The following CDYL variants were observed in gnomAD, a reference collection of about 807,000 sequenced individuals.
The protein encoded by CDYL is chromodomain Y-like protein.
CDYL carries 8 observed loss-of-function variants against 47.3 expected under a neutral mutation model. The observed-to-expected ratio is 0.17, with a 90% CI of 0.10 to 0.31. The LOEUF is 0.31. Among genes scored for constraint, CDYL ranks in the 10% least tolerant of loss-of-function variants. The probability of loss-of-function intolerance (pLI) is 1.00; values close to 1 mark genes in which losing one functional copy is unlikely to be tolerated. For missense variants in CDYL, 471 were observed against 701.4 expected, an observed-to-expected ratio of 0.67 and a Z score of 3.71; for synonymous variants, 266 against 265.0, an observed-to-expected ratio of 1.00 and a Z score of -0.04.
chr6:4,741,481 A>G (rs941082890), intron 3 of CDYL, among the ~76,000 whole-genome samples: 46 of 152,200 alleles, frequency 3.0e-4, no homozygotes, highest in Admixed American at 8.5e-4. Flanking sequence ...TGACATCATC[A>G]TGCTCCATTG....
chr6:4,927,101 C>T (rs1308747581), intron 2 of CDYL, among the ~76,000 whole-genome samples: 1 of 152,174 alleles, frequency 6.6e-6, no homozygotes, highest in African/African-American at 2.4e-5. Context: ...TACTACTAGG[C>T]ATGAAGTTTA....
At chr6:4,851,067 G>A (rs750296794) in intron 1 of CDYL, among the ~76,000 whole-genome samples, 2 of 152,152 alleles carry the variant, frequency 1.3e-5, no homozygotes, top group Non-Finnish European at 2.9e-5. Flanking sequence ...AGATTTGGGC[G>A]CTCACTTGGG....
At chr6:4,846,550 C>G (rs2127461408) in intron 1 of CDYL, among the ~76,000 whole-genome samples, 1 of 152,122 alleles carries the variant, frequency 6.6e-6, no homozygotes, top group Non-Finnish European at 1.5e-5. Context: ...GGAGAGGGAG[C>G]TGTTAGTTAT....
At chr6:4,846,455 A>G (rs1354551657) in intron 1 of CDYL, among the ~76,000 whole-genome samples, 1 of 152,232 alleles carries the variant, frequency 6.6e-6, no homozygotes, top group African/African-American at 2.4e-5. Context: ...ACATGACAAA[A>G]TCATTATAAT....
At chr6:4,952,475 C>G in intron 6 of CDYL, 66 bp downstream of exon 6, 1 of 1,529,114 alleles carries the variant, frequency 6.5e-7, no homozygotes, top group East Asian at 2.3e-5. Context: ...TCAGAGAGCT[C>G]ACAAATTTGC....
rs1561694041 is a variant in CDYL at position 4,895,448 on chromosome 6, C to CATGTATACGTATATACGTATATATGT, written c.691+3071_691+3072insGTATACGTATATACGTATATATGTAT. On this transcript the variant is annotated intron_variant, in intron 2 of 6. Transcript: ENST00000397588. ...ATGTATACATGTATACGTATATATG[C>CATGTATACGTATATACGTATATATGT]ATATATACATGTATACATATATACG... 2.9e-3 allele frequency among the ~76,000 whole-genome samples: 8 copies of CATGTATACGTATATACGTATATATGT among 2,736 alleles called. 3 individuals are homozygous for CATGTATACGTATATACGTATATATGT. The highest frequency in any genetic ancestry group is 3.1e-3 in the African/African-American group (8 of 2,618). The allele number at this position is 2,736 out of a possible 152,430, so 1.8% of individuals were successfully genotyped here.
chr6:4,758,964 TTTTC>T (rs1758124937), intron 3 of CDYL, among the ~76,000 whole-genome samples: 1 of 148,508 alleles, frequency 6.7e-6, no homozygotes, highest in Admixed American at 6.6e-5. Context: ...CCAGTTTTCT[TTTTC>T]TTTTTTTTTT....
chr6:4,715,564 G>A (rs1204724078), intron 1 of CDYL, among the ~76,000 whole-genome samples: 1 of 152,182 alleles, frequency 6.6e-6, no homozygotes, highest in Non-Finnish European at 1.5e-5. Flanking sequence ...CATTTTAAAT[G>A]TGTTGCTACT....
intron 2 of CDYL, among the ~76,000 whole-genome samples, chr6:4,921,724 C>T (rs1028800325): frequency 3.9e-5 from 6 of 152,174 alleles, no homozygotes; most frequent in Non-Finnish European, 8.8e-5. Flanking sequence ...CTTCATCATC[C>T]CCTGAGTATG....
chr6:4,954,008 G>A lies in CDYL; in HGVS notation c.1587G>A (p.Gly529=). 2.5e-6 allele frequency: 4 copies of A among 1,614,094 alleles called. No individual in the cohort carries two copies. The highest frequency in any genetic ancestry group is 3.4e-6 in the Non-Finnish European group (4 of 1,180,006). ...AGAAAATCTGGGGCTCGGCCCAGGG[G>A]ATGGACTCCATGTTAAAGTACTTGC... is the stretch of plus-strand genomic sequence containing the variant. The part of the protein sequence containing the change: ...VLKKIWGSAQ[G]MDSMLKYLQR... Residue 529 remains glycine (G), a synonymous_variant, in exon 7 of 7, where the codon GGG becomes GGA. Transcript: ENST00000397588.
At chr6:4,749,121 T>G (rs1010306278) in intron 3 of CDYL, among the ~76,000 whole-genome samples, 2 of 152,214 alleles carry the variant, frequency 1.3e-5, no homozygotes, top group Non-Finnish European at 1.5e-5. Context: ...ACAAATGACC[T>G]TCTCAAAAAC....
At chr6:4,895,147 CT>C (rs1346622188) in intron 2 of CDYL, among the ~76,000 whole-genome samples, 4 of 15,892 alleles carry the variant, frequency 2.5e-4, no homozygotes, top group Non-Finnish European at 2.1e-3. Flanking sequence ...GTATATGTAT[CT>C]ATACACATAC....
At chr6:4,817,792 T>C (rs957294688) in intron 1 of CDYL, among the ~76,000 whole-genome samples, 1 of 152,146 alleles carries the variant, frequency 6.6e-6, no homozygotes, top group African/African-American at 2.4e-5. Flanking sequence ...TTAGATGAAT[T>C]TGTCTGTAGT....
chr6:4,885,708 G>A (rs1288823681), intron 1 of CDYL, among the ~76,000 whole-genome samples: 1 of 152,188 alleles, frequency 6.6e-6, no homozygotes, highest in Admixed American at 6.5e-5. Context: ...TTATTCTTCT[G>A]AAAGTGTCTT....
intron 2 of CDYL, among the ~76,000 whole-genome samples, chr6:4,720,861 C>T (rs1454289364): frequency 6.6e-6 from 1 of 152,158 alleles, no homozygotes; most frequent in Non-Finnish European, 1.5e-5. Context: ...TCCTAGGTAG[C>T]CTATTTACTA....
chr6:4,841,177 A>G (rs919580451), intron 1 of CDYL, among the ~76,000 whole-genome samples: 4 of 152,036 alleles, frequency 2.6e-5, no homozygotes, highest in African/African-American at 9.7e-5. Context: ...CATTTCCTCT[A>G]GGTTTTTTAG....
chr6:4,842,158 A>G (rs1286365498), intron 1 of CDYL, among the ~76,000 whole-genome samples: 1 of 144,032 alleles, frequency 6.9e-6, no homozygotes, highest in African/African-American at 2.5e-5. Context: ...TATATATTAT[A>G]AATATATTAT....
At chr6:4,938,855 A>G (rs1422429737) in intron 4 of CDYL, among the ~76,000 whole-genome samples, 1 of 152,182 alleles carries the variant, frequency 6.6e-6, no homozygotes, top group African/African-American at 2.4e-5. Context: ...ACTTTCTCTA[A>G]AACCACTTAA....
chr6:4,779,774 C>T lies in CDYL; in HGVS notation c.24+2967C>T, dbSNP rs147906096. On this transcript the variant is annotated intron_variant, in intron 1 of 6. Transcript: ENST00000397588. ...TTCTAATGTAAAGGGCCAGATAATA[C>T]ATATTTTAGACTTGTGGGTTATATT... is the stretch of plus-strand genomic sequence containing the variant. Among the ~76,000 whole-genome samples the T allele has an allele frequency of 1.5e-3, 234 of 152,292 alleles. 2 individuals carry two copies. Among genetic ancestry groups the T allele is most frequent in the African/African-American group, 5.2e-3 (217 of 41,570 alleles).
Sources: allele counts gnomAD v4.1 joint callset (sites outside exome capture counted in the v4.1 genomes callset), GRCh38; gene constraint gnomAD v4.1.1; transcripts MANE v1.5; gene names NCBI Gene and HGNC (gene_info 2026-07-23, HGNC 2026-07-21).